Variants in ADD3 observed in about 807,000 individuals in gnomAD.
The protein encoded by ADD3 is adducin 3.
In ADD3, 25 loss-of-function variants were observed where a neutral mutation model predicts 80.2. The observed-to-expected ratio is 0.31, with a 90% CI of 0.23 to 0.44. ADD3 has a LOEUF of 0.44. Ranked by LOEUF, ADD3 falls within the 20% of genes least tolerant of loss-of-function variation. The pLI, the probability that ADD3 is intolerant of heterozygous loss-of-function variation, is 1.00. For synonymous variants in ADD3, 284 were observed against 289.6 expected (o/e 0.98, Z 0.20); for missense variants, 829 against 847.5 (o/e 0.98, Z 0.27).
intron 1 of ADD3, among the ~76,000 whole-genome samples, chr10:110,027,240 T>C (rs1387144521): frequency 3.3e-5 from 5 of 152,148 alleles, no homozygotes; most frequent in Admixed American, 6.5e-5. Context: ...TAAGAGAAAA[T>C]CTAGTGAGCT....
chr10:110,025,651 C>G (rs1032067130), intron 1 of ADD3, among the ~76,000 whole-genome samples: 1 of 152,154 alleles, frequency 6.6e-6, no homozygotes, highest in Non-Finnish European at 1.5e-5. Flanking sequence ...GAGTGAAGAA[C>G]CCAGTCTGAT....
At position 110,118,692 on chromosome 10, in the gene ADD3, G is replaced by C; in HGVS notation, c.673G>C (p.Asp225His). The change falls in exon 6 of 15, where the codon GAT becomes CAT. Residue 225 changes from aspartate (D) to histidine (H), a missense_variant. Asp to His is a moderately conservative substitution (Grantham distance 81, BLOSUM62 -1). Coordinates refer to ENST00000356080, the MANE Select transcript of ADD3 (RefSeq NM_016824.5). The stretch of plus-strand genomic sequence containing the variant: ...TGCTGCAATCTATTCAACACGTCCT[G>C]ATGTTAAGTGTGTGATACACATCCA... ...PHAAIYSTRP[D>H]VKCVIHIHTL... 6.2e-7 allele frequency: 1 copy of C among 1,614,136 alleles called. No homozygotes were observed. Among genetic ancestry groups the C allele is most frequent in the Non-Finnish European group, 8.5e-7 (1 of 1,180,010 alleles).
chr10:110,079,035 C>T (rs971615814), intron 1 of ADD3, among the ~76,000 whole-genome samples: 4 of 151,932 alleles, frequency 2.6e-5, no homozygotes, highest in Non-Finnish European at 5.9e-5. Flanking sequence ...TGAATCTGCC[C>T]CTCAGTCTCC....
intron 1 of ADD3, among the ~76,000 whole-genome samples, chr10:110,096,530 T>A (rs1848179219): frequency 6.6e-6 from 1 of 152,212 alleles, no homozygotes; most frequent in Admixed American, 6.5e-5. Flanking sequence ...TGATTCTGTA[T>A]GTTGACTGAG....
Position 110,130,447 on chromosome 10 carries a change from T to C in ADD3, c.1693T>C (p.Tyr565His). The C allele has an allele frequency of 6.2e-7, 1 of 1,613,774 alleles. No homozygotes were observed. The highest frequency in any genetic ancestry group is 8.5e-7 in the Non-Finnish European group (1 of 1,179,886). ...SHLTEGELEE[Y>H]KRTIERKQQG... The stretch of plus-strand genomic sequence containing the variant: ...TCTCACAGAAGGAGAACTTGAAGAG[T>C]ATAAGAGGACAATCGAACGTAAACA... Residue 565 changes from tyrosine (Y) to histidine (H), a missense_variant, in exon 13 of 15, where the codon TAT becomes CAT. By Grantham distance (83) the Tyr-to-His change is moderately conservative. Transcript: ENST00000356080.
chr10:110,085,417 G>A (rs1460431348), intron 1 of ADD3, among the ~76,000 whole-genome samples: 1 of 152,102 alleles, frequency 6.6e-6, no homozygotes, highest in South Asian at 2.1e-4. Flanking sequence ...ACAGTCAGGA[G>A]CAGATTCCCA....
intron 12 of ADD3, among the ~76,000 whole-genome samples, chr10:110,129,014 C>T (rs1199360039): frequency 6.6e-6 from 1 of 152,162 alleles, no homozygotes; most frequent in South Asian, 2.1e-4. Flanking sequence ...ACATTATTCT[C>T]TGTAATTCTT....
chr10:110,119,197 G>C lies in ADD3; in HGVS notation c.718-14G>C, dbSNP rs1424116571. The stretch of plus-strand genomic sequence containing the variant: ...AACCAAATGTGTTATCTTGGTATGG[G>C]CCAAACCAAATAGGTATCCTCCATG... On this transcript the variant is annotated splice_polypyrimidine_tract_variant and intron_variant, in intron 6 of 14. Transcript: ENST00000356080. 1 of 1,613,686 alleles carries C rather than the reference G, an allele frequency of 6.2e-7. No homozygotes were observed. The highest frequency in any genetic ancestry group is 8.5e-7 in the Non-Finnish European group (1 of 1,179,802).
intron 1 of ADD3, among the ~76,000 whole-genome samples, chr10:110,042,959 G>C (rs1308143497): frequency 6.6e-6 from 1 of 151,782 alleles, no homozygotes; most frequent in Non-Finnish European, 1.5e-5. Flanking sequence ...AGTTTCGGTG[G>C]GTCATATTTA....
At position 110,133,645 on chromosome 10, in the gene ADD3, T is replaced by C. The variant is rs376320289; in HGVS notation, c.*27T>C. ...TAAAGTCTTTTTATAATTATTATTA[T>C]AACAATGTGACATTGCACATCTAAA... On this transcript the variant is annotated 3_prime_UTR_variant, in exon 15 of 15. Coordinates refer to ENST00000356080, the MANE Select transcript of ADD3 (RefSeq NM_016824.5). 31 of 1,509,308 alleles carry C rather than the reference T, an allele frequency of 2.1e-5. No homozygotes were observed. Among genetic ancestry groups the C allele is most frequent in the Admixed American group, 8.5e-5 (4 of 47,218 alleles). 93.5% of individuals were successfully genotyped at this position (1,509,308 alleles called of 1,614,324 possible).
chr10:110,101,635 T>TAA (rs201966150), intron 2 of ADD3, among the ~76,000 whole-genome samples: 21 of 102,712 alleles, frequency 2.0e-4, no homozygotes, highest in African/African-American at 5.0e-4. Flanking sequence ...AGACCTTACC[T>TAA]AAAAAAAAAA....
chr10:110,098,816 A>T (rs1397423659), intron 1 of ADD3, among the ~76,000 whole-genome samples: 2 of 151,986 alleles, frequency 1.3e-5, no homozygotes, highest in African/African-American at 4.8e-5. Context: ...TTTTCAGTAA[A>T]GGCGGGGTTT....
intron 1 of ADD3, among the ~76,000 whole-genome samples, chr10:110,035,878 G>A (rs556620863): frequency 5.3e-5 from 8 of 152,216 alleles, no homozygotes; most frequent in Non-Finnish European, 8.8e-5. Flanking sequence ...TCTGCCAGGC[G>A]CGGTGGCTCA....
intron 2 of ADD3, among the ~76,000 whole-genome samples, chr10:110,105,312 C>T (rs1478451799): frequency 6.6e-6 from 1 of 151,984 alleles, no homozygotes; most frequent in African/African-American, 2.4e-5. Flanking sequence ...CTAATTTACC[C>T]CCTTTTCTCA....
chr10:110,117,252 C>T, intron 4 of ADD3, 90 bp from the exon 5 acceptor site: 1 of 643,518 alleles, frequency 1.6e-6, no homozygotes. Flanking sequence ...TGATCTCTTA[C>T]AATTATTCAT....
At chr10:110,063,744 T>C (rs1843517540) in intron 1 of ADD3, among the ~76,000 whole-genome samples, 1 of 27,432 alleles carries the variant, frequency 3.6e-5, no homozygotes, top group African/African-American at 1.5e-4. Flanking sequence ...TCATTATATA[T>C]ATATATATAT....
intron 13 of ADD3, 21 bp from the exon 14 acceptor site, chr10:110,132,284 A>T: frequency 6.3e-7 from 1 of 1,584,170 alleles, no homozygotes; most frequent in Non-Finnish European, 8.7e-7. Context: ...CATGGCTTTT[A>T]ACTAAACTCT....
intron 1 of ADD3, among the ~76,000 whole-genome samples, chr10:110,081,381 T>C (rs575511979): frequency 4.3e-4 from 65 of 152,340 alleles, no homozygotes; most frequent in Middle Eastern, 6.8e-3. Flanking sequence ...AAATGACAAC[T>C]GCTCCTGTTC....
chr10:110,049,886 C>CA (rs1296672882), intron 1 of ADD3, among the ~76,000 whole-genome samples: 5,277 of 60,422 alleles, frequency 0.087, 270 homozygotes, highest in African/African-American at 0.19. Flanking sequence ...GACTCCGTCT[C>CA]AAAAAAAAAA....
Sources: gnomAD v4.1 joint callset for allele counts (sites outside exome capture counted in the v4.1 genomes callset) on GRCh38, gnomAD v4.1.1 for gene constraint, MANE v1.5 for transcripts, NCBI Gene and HGNC (gene_info 2026-07-23, HGNC 2026-07-21) for gene names.